The following ANO1 variants were observed in gnomAD, a reference collection of about 807,000 sequenced individuals.
ANO1 encodes anoctamin-1.
Under a neutral mutation model 124.0 loss-of-function variants are expected in ANO1, and 59 were observed. The observed-to-expected ratio is 0.48, with a 90% CI of 0.39 to 0.59. ANO1 has a LOEUF of 0.59. ANO1 is among the 20% of genes least tolerant of loss of function. The pLI is 0.00. For synonymous variants in ANO1, 529 were observed against 532.0 expected, an observed-to-expected ratio of 0.99 and a Z score of 0.08; for missense variants, 1,059 against 1,328.0, an observed-to-expected ratio of 0.80 and a Z score of 3.15.
intron 16 of ANO1, among the ~76,000 whole-genome samples, chr11:70,159,252 G>A (rs908048750): frequency 6.6e-6 from 1 of 152,168 alleles, no homozygotes; most frequent in African/African-American, 2.4e-5. Flanking sequence ...GGGAAGAGAT[G>A]GGCCAGGGGT....
At chr11:70,022,038 G>A (rs1856820371) in intron 1 of ANO1, among the ~76,000 whole-genome samples, 1 of 152,158 alleles carries the variant, frequency 6.6e-6, no homozygotes, top group Non-Finnish European at 1.5e-5. Flanking sequence ...CCCTGGGGTT[G>A]GGCCCCTTCC....
At chr11:70,180,784 G>C (rs1303837817) in intron 23 of ANO1, among the ~76,000 whole-genome samples, 2 of 152,186 alleles carry the variant, frequency 1.3e-5, no homozygotes, top group East Asian at 3.9e-4. Context: ...AAAGAAAAAA[G>C]TTGATTTTTC....
intron 2 of ANO1, among the ~76,000 whole-genome samples, chr11:70,098,854 G>A (rs1019889904): frequency 6.6e-6 from 1 of 152,098 alleles, no homozygotes; most frequent in Admixed American, 6.5e-5. Flanking sequence ...ATCCACCATG[G>A]GGACTCACTT....
chr11:70,131,303 ATGTG>A (rs58686061), intron 10 of ANO1, among the ~76,000 whole-genome samples: 2,087 of 149,106 alleles, frequency 0.014, 25 homozygotes, highest in African/African-American at 0.033. Context: ...TCAAAAATCA[ATGTG>A]TGTGTGTGTG....
At chr11:70,185,543 G>C in intron 24 of ANO1, 47 bp from the exon 25 acceptor site, 1 of 1,566,392 alleles carries the variant, frequency 6.4e-7, no homozygotes. Flanking sequence ...GCCAGAGCCT[G>C]AGCCCCACCG....
chr11:70,003,620 T>C (rs1408919591), intron 1 of ANO1, among the ~76,000 whole-genome samples: 1 of 151,476 alleles, frequency 6.6e-6, no homozygotes, highest in East Asian at 1.9e-4. Context: ...GATGGATGGA[T>C]GGATGGATGG....
chr11:69,973,310 A>G, the ANO1 span, among the ~76,000 whole-genome samples: 1 of 152,186 alleles, frequency 6.6e-6, no homozygotes, highest in Non-Finnish European at 1.5e-5. Context: ...CCCCATAAAA[A>G]TATAATTTTC....
At chr11:70,056,830 CT>C (rs200523204) in intron 1 of ANO1, among the ~76,000 whole-genome samples, 396 of 140,314 alleles carry the variant, frequency 2.8e-3, no homozygotes, top group Middle Eastern at 7.4e-3. Context: ...TGTTTTACAT[CT>C]TTTTTTTTTT....
intron 1 of ANO1, among the ~76,000 whole-genome samples, chr11:70,052,531 C>CTT (rs200770702): frequency 7.6e-5 from 5 of 65,910 alleles, no homozygotes; most frequent in South Asian, 3.8e-4. Flanking sequence ...TTTTTCTTTT[C>CTT]TTTTTTTTTT....
chr11:70,131,777 A>T, intron 10 of ANO1, 142 bp from the exon 11 acceptor site: 2 of 973,308 alleles, frequency 2.1e-6, no homozygotes, highest in Non-Finnish European at 3.0e-6. Flanking sequence ...CACCCGGCTT[A>T]TGTCCACTAT....
Position 70,165,552 on chromosome 11 carries a change from T to C in ANO1, c.2033T>C (p.Leu678Pro), listed in dbSNP as rs1022043774. The C allele has an allele frequency of 2.5e-6, 4 of 1,611,140 alleles. No homozygotes were observed. Among genetic ancestry groups the C allele is most frequent in the Non-Finnish European group, 3.4e-6 (4 of 1,178,908 alleles). Residue 678 changes from leucine (L) to proline (P), a missense_variant, in exon 20 of 26, where the codon CTG becomes CCG. By Grantham distance (98) the Leu-to-Pro change is moderately conservative. Coordinates refer to ENST00000355303, the MANE Select transcript of ANO1 (RefSeq NM_018043.7). The stretch of plus-strand genomic sequence containing the variant: ...GGGAAACAGCTGATCCAGAACAACC[T>C]GTTCGAGATCGGCATCCCGTGAGTG... ...MLGKQLIQNN[L>P]FEIGIPKMKK...
At chr11:70,089,141 A>G (rs2044519211) in intron 2 of ANO1, among the ~76,000 whole-genome samples, 1 of 152,168 alleles carries the variant, frequency 6.6e-6, no homozygotes, top group Admixed American at 6.5e-5. Flanking sequence ...TATTGGGTGA[A>G]GGGCCCCAGC....
intron 1 of ANO1, chr11:70,063,863 TTTTC>T (rs1470681307): frequency 1.3e-5 from 2 of 152,360 alleles, no homozygotes; most frequent in Non-Finnish European, 2.9e-5. Context: ...TTGTTCTCAC[TTTTC>T]TTTCTTTTAT....
chr11:70,108,463 C>A lies in ANO1; in HGVS notation c.799+59C>A, dbSNP rs527498587. The A allele has an allele frequency of 1.3e-5, 20 of 1,566,826 alleles. No homozygotes were observed. The South Asian group carries it at 2.1e-4, about 17-fold the overall frequency. ...GGTTTCCAAGTCGGAATCTCACCTC[C>A]GAGTCATCTCTGTGGGAGGCAGGCA... On this transcript the variant is annotated intron_variant, in intron 6 of 25. Transcript: ENST00000355303.
At chr11:70,143,683 G>A (rs1455998936) in intron 11 of ANO1, among the ~76,000 whole-genome samples, 1 of 152,172 alleles carries the variant, frequency 6.6e-6, no homozygotes, top group Non-Finnish European at 1.5e-5. Flanking sequence ...AATCCCGGAT[G>A]AAATGGACAG....
At chr11:70,062,828 C>T (rs1179099531) in intron 1 of ANO1, among the ~76,000 whole-genome samples, 1 of 152,166 alleles carries the variant, frequency 6.6e-6, no homozygotes, top group African/African-American at 2.4e-5. Flanking sequence ...TAGACGAGCA[C>T]TCTGTAAATA....
At chr11:70,046,729 G>A (rs1857265443) in intron 1 of ANO1, among the ~76,000 whole-genome samples, 1 of 151,996 alleles carries the variant, frequency 6.6e-6, no homozygotes, top group Admixed American at 6.6e-5. Flanking sequence ...CAAAAATGAT[G>A]CAATTTGGGC....
intron 1 of ANO1, among the ~76,000 whole-genome samples, chr11:70,002,906 A>C (rs1856413215): frequency 6.6e-6 from 1 of 152,332 alleles, no homozygotes; most frequent in South Asian, 2.1e-4. Flanking sequence ...ATTAAGTATA[A>C]AAATAAAATT....
At chr11:70,149,453 C>T in intron 11 of ANO1, 1 of 427,418 alleles carries the variant, frequency 2.3e-6, no homozygotes, top group Admixed American at 3.5e-5. Context: ...GAGTTCGAGA[C>T]CAGCCTGGCC....
Sources: gnomAD v4.1 joint callset for allele counts (sites outside exome capture counted in the v4.1 genomes callset) on GRCh38, gnomAD v4.1.1 for gene constraint, MANE v1.5 for transcripts, NCBI Gene and HGNC (gene_info 2026-07-23, HGNC 2026-07-21) for gene names.